The following DEPDC4 variants were observed in gnomAD, a reference collection of about 807,000 sequenced individuals.
The protein encoded by DEPDC4 is DEP domain-containing protein 4.
In DEPDC4, 52 loss-of-function variants were observed where a neutral mutation model predicts 52.0. That is an observed-to-expected ratio of 1.00 (90% CI 0.80 to 1.26). DEPDC4 has a LOEUF of 1.26. DEPDC4 is among the 50% of genes most tolerant of loss of function. The pLI is 0.00. For missense variants in DEPDC4, 530 were observed against 546.9 expected, an observed-to-expected ratio of 0.97 and a Z score of 0.31; for synonymous variants, 201 against 196.8, an observed-to-expected ratio of 1.02 and a Z score of -0.18.
At position 100,240,708 on chromosome 12, in the gene DEPDC4, G is replaced by A. The variant is rs2096155124; in HGVS notation, c.*1184C>T. 6.6e-6 allele frequency among the ~76,000 whole-genome samples: 1 copy of A among 152,226 alleles called. No individual in the cohort carries two copies. Among genetic ancestry groups the A allele is most frequent in the Non-Finnish European group, 1.5e-5 (1 of 68,042 alleles). ...ATATGGACTGAAGAAGAATTAGAGA[G>A]AGAAATCACAGTTTTGATGTTTACG... On this transcript the variant is annotated 3_prime_UTR_variant, in exon 10 of 10. Coordinates refer to ENST00000550587, the MANE Select transcript of DEPDC4 (RefSeq NM_001364818.2).
At chr12:100,265,054 T>C (rs1232762236) in intron 1 of DEPDC4, among the ~76,000 whole-genome samples, 1 of 151,960 alleles carries the variant, frequency 6.6e-6, no homozygotes, top group Non-Finnish European at 1.5e-5. Context: ...ATCCCAGCAC[T>C]TTGGGAGGCT....
intron 3 of DEPDC4, among the ~76,000 whole-genome samples, chr12:100,256,843 G>A (rs767343144): frequency 9.2e-5 from 14 of 151,678 alleles, no homozygotes; most frequent in South Asian, 2.1e-4. Flanking sequence ...GGGTTTCACC[G>A]TGTTAGCTAG....
intron 2 of DEPDC4, 111 bp downstream of exon 2, chr12:100,263,384 ATT>A (rs774582611): frequency 2.6e-5 from 19 of 738,470 alleles, no homozygotes; most frequent in Non-Finnish European, 3.6e-5. Flanking sequence ...TTTCACATGG[ATT>A]TTTTTTTTTA....
chr12:100,264,445 G>A (rs191298767), intron 1 of DEPDC4, among the ~76,000 whole-genome samples: 13 of 152,244 alleles, frequency 8.5e-5, no homozygotes, highest in Middle Eastern at 6.8e-3. Context: ...TTCAGAAGCC[G>A]AGGCAGGCAG....
intron 7 of DEPDC4, among the ~76,000 whole-genome samples, chr12:100,250,157 T>C (rs552245996): frequency 5.4e-4 from 82 of 152,062 alleles, no homozygotes; most frequent in Admixed American, 2.4e-3. Context: ...TATCCCCACT[T>C]CCTCCAGCCC....
chr12:100,261,592 G>T (rs893100877), intron 3 of DEPDC4: 1 of 394,970 alleles, frequency 2.5e-6, no homozygotes, highest in East Asian at 7.1e-5. Flanking sequence ...TAAGAAGATG[G>T]TCTTGCAGGA....
downstream of DEPDC4, among the ~76,000 whole-genome samples, chr12:100,239,171 G>A (rs2096149069): frequency 6.6e-6 from 1 of 152,028 alleles, no homozygotes. Context: ...CCACCTCCTG[G>A]GTTCAAGCAA....
chr12:100,267,432 T>C, upstream of DEPDC4: 1 of 184,582 alleles, frequency 5.4e-6, no homozygotes, highest in Non-Finnish European at 1.1e-5. Flanking sequence ...CCGACCTCCC[T>C]CACCGGCGGC....
In DEPDC4 at chr12:100,244,736, G is replaced by A. The variant is rs939971970; in HGVS notation, c.1454-2167C>T. 1.6e-4 allele frequency among the ~76,000 whole-genome samples: 24 copies of A among 150,620 alleles called. No homozygotes were observed. The East Asian group carries it at 2.3e-3, about 15-fold the overall frequency. ...CTCAGCCTCCCAAAGTGCTGGGATT[G>A]CAGGTGTGAGCCGCTGCACCCAACC... On this transcript the variant is annotated intron_variant, in intron 8 of 9. Coordinates refer to ENST00000550587, the MANE Select transcript of DEPDC4 (RefSeq NM_001364818.2).
chr12:100,262,115 A>C (rs1239355063), intron 3 of DEPDC4, 149 bp downstream of exon 3: 3 of 665,990 alleles, frequency 4.5e-6, no homozygotes, highest in Non-Finnish European at 7.4e-6. Flanking sequence ...GATAATGGGG[A>C]AGGTTGTGTG....
chr12:100,256,180 G>A lies in DEPDC4; in HGVS notation c.747C>T (p.His249=), dbSNP rs2096231714. 6.2e-7 allele frequency: 1 copy of A among 1,612,740 alleles called. No homozygotes were observed. The highest frequency in any genetic ancestry group is 8.5e-7 in the Non-Finnish European group (1 of 1,179,196). Residue 249 remains histidine (H), a synonymous_variant, in exon 4 of 10, where the codon CAC becomes CAT. Transcript: ENST00000550587. ...QTLLCLLQLI[H]LPFLDNILEP... is the part of the protein sequence containing the mutation. ...CCAAAATATTGTCCAAGAATGGAAGGTGAATCAATTGAAGAAGACATAATA... is the reference window on the plus strand; with the variant it reads ...CCAAAATATTGTCCAAGAATGGAAGATGAATCAATTGAAGAAGACATAATA...
chr12:100,277,154 C>T, the DEPDC4 span, among the ~76,000 whole-genome samples: 2 of 152,148 alleles, frequency 1.3e-5, no homozygotes, highest in African/African-American at 2.4e-5. Context: ...TATTTCATAG[C>T]CCAACATATA....
chr12:100,239,691 G>C (rs1353873038), downstream of DEPDC4, among the ~76,000 whole-genome samples: 1 of 151,796 alleles, frequency 6.6e-6, no homozygotes, highest in Non-Finnish European at 1.5e-5. Context: ...AGCCTTAGCT[G>C]AGAATTTTTT....
At chr12:100,261,948 T>C (rs2096254965) in intron 3 of DEPDC4, among the ~76,000 whole-genome samples, 1 of 152,246 alleles carries the variant, frequency 6.6e-6, no homozygotes, top group Non-Finnish European at 1.5e-5. Flanking sequence ...TATGATACTA[T>C]AATGACAGAT....
downstream of DEPDC4, among the ~76,000 whole-genome samples, chr12:100,239,400 G>C (rs575334206): frequency 6.6e-6 from 1 of 151,226 alleles, no homozygotes; most frequent in South Asian, 2.1e-4. Context: ...TTTTGAGACA[G>C]CGTTTCACTC....
chr12:100,278,682 T>C, the DEPDC4 span, among the ~76,000 whole-genome samples: 2 of 147,470 alleles, frequency 1.4e-5, no homozygotes, highest in Non-Finnish European at 3.0e-5. Context: ...CAAGCTGGAG[T>C]GCAGTGGCGT....
chr12:100,241,957 G>T, intron 9 of DEPDC4, 112 bp from the exon 10 acceptor site: 2 of 564,386 alleles, frequency 3.5e-6, no homozygotes, highest in Non-Finnish European at 4.5e-6. Flanking sequence ...TGTTACCTAT[G>T]CCTAGGCTTT....
chr12:100,271,092 C>T (rs1395858823), upstream of DEPDC4, among the ~76,000 whole-genome samples: 3 of 151,846 alleles, frequency 2.0e-5, no homozygotes, highest in Admixed American at 1.3e-4. Flanking sequence ...TAAGATTAAA[C>T]ATGATTTCTG....
downstream of DEPDC4, among the ~76,000 whole-genome samples, chr12:100,237,361 C>T (rs1291949561): frequency 6.6e-6 from 1 of 152,070 alleles, no homozygotes; most frequent in African/African-American, 2.4e-5. Context: ...GCGTGTGCCA[C>T]CACACCCAGC....
Sources: gnomAD v4.1 joint callset for allele counts (sites outside exome capture counted in the v4.1 genomes callset) on GRCh38, gnomAD v4.1.1 for gene constraint, MANE v1.5 for transcripts, NCBI Gene and HGNC (gene_info 2026-07-23, HGNC 2026-07-21) for gene names.